The following NEK6 variants were observed in gnomAD, a reference collection of about 807,000 sequenced individuals.
The protein encoded by NEK6 is serine/threonine-protein kinase Nek6.
In NEK6, 27 loss-of-function variants were observed where a neutral mutation model predicts 43.5. That is an observed-to-expected ratio of 0.62 (90% CI 0.46 to 0.86). The LOEUF (loss-of-function observed/expected upper bound fraction) is 0.86. Among genes scored for constraint, NEK6 ranks in the 40% least tolerant of loss-of-function variants. The probability of loss-of-function intolerance (pLI) is 0.00; values close to 1 mark genes in which losing one functional copy is unlikely to be tolerated. For missense variants in NEK6, 318 were observed against 414.4 expected (o/e 0.77, Z 2.02); for synonymous variants, 167 against 164.1 (o/e 1.02, Z -0.14).
intron 1 of NEK6, among the ~76,000 whole-genome samples, chr9:124,293,706 C>T (rs1832537841): frequency 6.6e-6 from 1 of 152,232 alleles, no homozygotes; most frequent in Admixed American, 6.5e-5. Context: ...CCCCCTCCAC[C>T]TACTAGTCAG....
At chr9:124,292,351 T>A (rs1243460369) in intron 1 of NEK6, 8 of 1,488,700 alleles carry the variant, frequency 5.4e-6, no homozygotes, top group Middle Eastern at 1.7e-4. Context: ...CATTGAGTAA[T>A]CCCTGGGCTT....
At chr9:124,313,123 T>A (rs569203951) in intron 3 of NEK6, among the ~76,000 whole-genome samples, 37 of 152,322 alleles carry the variant, frequency 2.4e-4, no homozygotes, top group Admixed American at 7.8e-4. Context: ...AGGAGCCATG[T>A]CCATGAGAGC....
intron 1 of NEK6, among the ~76,000 whole-genome samples, chr9:124,279,860 G>C (rs1218453698): frequency 6.6e-6 from 1 of 152,226 alleles, no homozygotes; most frequent in African/African-American, 2.4e-5. Flanking sequence ...TCCCAACCAC[G>C]CAAAACCTGT....
intron 1 of NEK6, among the ~76,000 whole-genome samples, chr9:124,281,487 CTT>C (rs759381068): frequency 3.2e-3 from 324 of 102,828 alleles, no homozygotes; most frequent in African/African-American, 0.011. Flanking sequence ...GCTGTTTTTT[CTT>C]TTTTTTTTTT....
At chr9:124,307,779 G>A (rs115486800) in intron 2 of NEK6, among the ~76,000 whole-genome samples, 290 of 152,266 alleles carry the variant, frequency 1.9e-3, no homozygotes, top group African/African-American at 6.5e-3. Flanking sequence ...TGACAAAGTC[G>A]CAAGGTTGTG....
At chr9:124,298,097 C>T (rs904696164) in intron 1 of NEK6, among the ~76,000 whole-genome samples, 14 of 152,236 alleles carry the variant, frequency 9.2e-5, no homozygotes, top group African/African-American at 3.1e-4. Context: ...TGGCATCGAG[C>T]CTCTTCCTCT....
chr9:124,287,002 G>A (rs926801047), intron 1 of NEK6, among the ~76,000 whole-genome samples: 2 of 152,176 alleles, frequency 1.3e-5, no homozygotes, highest in African/African-American at 2.4e-5. Flanking sequence ...CACAGCAGGT[G>A]TTGATATGTC....
intron 7 of NEK6, among the ~76,000 whole-genome samples, chr9:124,334,315 T>G (rs1829179723): frequency 6.6e-6 from 1 of 152,146 alleles, no homozygotes. Context: ...CAATTATGGA[T>G]GGTTGGACAG....
intron 7 of NEK6, among the ~76,000 whole-genome samples, chr9:124,339,343 T>TC (rs1829464626): frequency 6.6e-6 from 1 of 151,728 alleles, no homozygotes; most frequent in African/African-American, 2.4e-5. Context: ...CTGCTTCAAG[T>TC]CCCTGGCACC....
At chr9:124,347,924 A>G (rs774520748) in intron 9 of NEK6, 102 bp downstream of exon 9, 2 of 681,336 alleles carry the variant, frequency 2.9e-6, no homozygotes, top group African/African-American at 1.8e-5. Flanking sequence ...GGTTAGGCTC[A>G]CTTTACACGG....
At chr9:124,282,664 G>C (rs377089926) in intron 1 of NEK6, among the ~76,000 whole-genome samples, 4 of 151,588 alleles carry the variant, frequency 2.6e-5, no homozygotes, top group African/African-American at 9.6e-5. Flanking sequence ...TCAGGGGCAC[G>C]GGAGGGCCGG....
chr9:124,337,268 C>T (rs974287536), intron 7 of NEK6, among the ~76,000 whole-genome samples: 2 of 152,208 alleles, frequency 1.3e-5, no homozygotes, highest in Admixed American at 1.3e-4. Flanking sequence ...GGGCACAGCC[C>T]TCCACAATTT....
At chr9:124,308,006 C>A (rs540427404) in intron 2 of NEK6, among the ~76,000 whole-genome samples, 1 of 152,224 alleles carries the variant, frequency 6.6e-6, no homozygotes, top group Non-Finnish European at 1.5e-5. Context: ...ACCGTCACCA[C>A]GACTGGAGAA....
intron 1 of NEK6, among the ~76,000 whole-genome samples, chr9:124,286,164 A>G (rs1832150648): frequency 6.6e-6 from 1 of 152,180 alleles, no homozygotes; most frequent in South Asian, 2.1e-4. Flanking sequence ...TTCCGACTGC[A>G]CAGAATGTCT....
At position 124,321,516 on chromosome 9, in the gene NEK6, C is replaced by T; in HGVS notation, c.352C>T (p.Leu118=). 6.2e-7 allele frequency: 1 copy of T among 1,614,120 alleles called. No individual in the cohort carries two copies. Among genetic ancestry groups the T allele is most frequent in the Non-Finnish European group, 8.5e-7 (1 of 1,179,944 alleles). ...GGACTCGTTTATCGAAGACAACGAG[C>T]TGAACATTGTGCTGGAGTTGGCTGA... ...YLDSFIEDNE[L]NIVLELADAG... Residue 118 remains leucine (L), a synonymous_variant, in exon 5 of 10, where the codon CTG becomes TTG. Coordinates refer to ENST00000320246, the MANE Select transcript of NEK6 (RefSeq NM_014397.6).
chr9:124,350,884 A>G lies in NEK6; in HGVS notation c.879A>G (p.Arg293=). ...SMCICPDPHQ[R]PDIGYVHQVA... ...GCATCTGCCCTGACCCCCACCAGAG[A>G]CCTGACATCGGATACGTGCACCAGG... is the stretch of plus-strand genomic sequence containing the variant. The change falls in exon 10 of 10, where the codon AGA becomes AGG. Residue 293 remains arginine, a synonymous_variant. Coordinates refer to ENST00000320246, the MANE Select transcript of NEK6 (RefSeq NM_014397.6). 6.2e-7 allele frequency: 1 copy of G among 1,612,580 alleles called. No individual in the cohort carries two copies. The highest frequency in any genetic ancestry group is 8.5e-7 in the Non-Finnish European group (1 of 1,179,970).
chr9:124,272,206 G>A (rs73666844), intron 1 of NEK6, among the ~76,000 whole-genome samples: 2,454 of 152,296 alleles, frequency 0.016, 73 homozygotes, highest in African/African-American at 0.055. Flanking sequence ...TCTGGGGAGC[G>A]CTTCCCCAGG....
In NEK6 at chr9:124,329,131, G is replaced by A. The variant is rs559117485; in HGVS notation, c.622+1686G>A. 5.3e-5 allele frequency among the ~76,000 whole-genome samples: 8 copies of A among 152,346 alleles called. No individual in the cohort carries two copies. The East Asian group carries it at 1.2e-3, about 22-fold the overall frequency. On this transcript the variant is annotated intron_variant, in intron 7 of 9. Transcript: ENST00000320246. ...TCCCCCTTTGGGGACCCGGGCCACT[G>A]ACTCTCCGTTGCTGGAAGGAAGCCT...
chr9:124,281,980 C>T (rs1362415496), intron 1 of NEK6, among the ~76,000 whole-genome samples: 1 of 152,232 alleles, frequency 6.6e-6, no homozygotes, highest in Non-Finnish European at 1.5e-5. Context: ...GAGCCCGGGG[C>T]AGACTTTGAT....
Sources: allele counts gnomAD v4.1 joint callset (sites outside exome capture counted in the v4.1 genomes callset), GRCh38; gene constraint gnomAD v4.1.1; transcripts MANE v1.5; gene names NCBI Gene and HGNC (gene_info 2026-07-23, HGNC 2026-07-21).